Variants in GRIK2 observed in about 807,000 individuals in gnomAD.
GRIK2 encodes glutamate receptor ionotropic, kainate 2.
In GRIK2, 32 loss-of-function variants were observed where a neutral mutation model predicts 100.3. The observed-to-expected ratio is 0.32, with a 90% confidence interval of 0.24 to 0.43. The LOEUF is 0.43. Ranked by LOEUF, GRIK2 falls within the 20% of genes least tolerant of loss-of-function variation. GRIK2 has a pLI of 1.00. For missense variants in GRIK2, 843 were observed against 1,114.9 expected (o/e 0.76, Z 3.47); for synonymous variants, 417 against 389.4 (o/e 1.07, Z -0.83).
At chr6:101,735,768 A>G (rs1414797216) in intron 7 of GRIK2, among the ~76,000 whole-genome samples, 2 of 152,152 alleles carry the variant, frequency 1.3e-5, no homozygotes, top group African/African-American at 4.8e-5. Flanking sequence ...GGCCCCTCCT[A>G]AATCTCATGC....
intron 11 of GRIK2, among the ~76,000 whole-genome samples, chr6:101,875,561 ATTAT>A (rs1785766717): frequency 1.3e-5 from 2 of 151,826 alleles, no homozygotes; most frequent in South Asian, 4.1e-4. Context: ...TAACACAGTA[ATTAT>A]TTATTTCTGA....
chr6:101,700,949 G>T (rs771441488), intron 7 of GRIK2, among the ~76,000 whole-genome samples: 3 of 152,108 alleles, frequency 2.0e-5, no homozygotes, highest in Non-Finnish European at 4.4e-5. Context: ...TTGCAGCTTA[G>T]GTGACTAGGA....
chr6:101,399,997 C>T (rs1775203029), intron 2 of GRIK2, among the ~76,000 whole-genome samples: 1 of 152,226 alleles, frequency 6.6e-6, no homozygotes, highest in African/African-American at 2.4e-5. Context: ...CGAGGTTCTA[C>T]TTAACACAGG....
At chr6:101,527,716 T>G (rs1775222944) in intron 2 of GRIK2, among the ~76,000 whole-genome samples, 1 of 152,148 alleles carries the variant, frequency 6.6e-6, no homozygotes, top group African/African-American at 2.4e-5. Flanking sequence ...TCTTAAGAGC[T>G]TGTTCAAGGG....
chr6:101,445,251 A>T (rs1316844050), intron 2 of GRIK2, among the ~76,000 whole-genome samples: 1 of 152,096 alleles, frequency 6.6e-6, no homozygotes, highest in African/African-American at 2.4e-5. Flanking sequence ...CTGCTCTCTC[A>T]TGGTTTCCAC....
At chr6:101,591,050 C>T (rs1049563064) in intron 2 of GRIK2, among the ~76,000 whole-genome samples, 19 of 151,768 alleles carry the variant, frequency 1.3e-4, no homozygotes, top group South Asian at 2.1e-4. Context: ...AAAATAATAG[C>T]GAAGGACTTT....
chr6:101,615,292 A>G (rs1236966100), intron 2 of GRIK2, among the ~76,000 whole-genome samples: 1 of 151,786 alleles, frequency 6.6e-6, no homozygotes, highest in African/African-American at 2.4e-5. Context: ...AAATAAAACA[A>G]TGATAAAGCT....
At chr6:102,006,390 A>ATATATATATATATTTTTT (rs1315524835) in intron 14 of GRIK2, among the ~76,000 whole-genome samples, 2 of 114,104 alleles carry the variant, frequency 1.8e-5, no homozygotes, top group African/African-American at 4.6e-5. Flanking sequence ...ATATATATAT[A>ATATATATATATATTTTTT]TTTTTTTTTT....
chr6:101,608,989 AT>A (rs1779560440), intron 2 of GRIK2, among the ~76,000 whole-genome samples: 1 of 151,598 alleles, frequency 6.6e-6, no homozygotes, highest in Non-Finnish European at 1.5e-5. Flanking sequence ...ACACCACTGT[AT>A]TTTTTTCTGG....
chr6:101,920,055 G>C (rs1054926020), intron 12 of GRIK2, among the ~76,000 whole-genome samples: 1 of 151,774 alleles, frequency 6.6e-6, no homozygotes, highest in Non-Finnish European at 1.5e-5. Context: ...AACTGTATTG[G>C]GATGTATTCA....
chr6:101,607,759 A>G (rs910954557), intron 2 of GRIK2, among the ~76,000 whole-genome samples: 8 of 151,988 alleles, frequency 5.3e-5, no homozygotes, highest in Non-Finnish European at 1.2e-4. Flanking sequence ...GGCTCTTGAT[A>G]AATTTTGGAT....
Position 102,003,959 on chromosome 6 carries a change from A to G in GRIK2, c.2086-31382A>G, listed in dbSNP as rs150766473. On this transcript the variant is annotated intron_variant, in intron 14 of 16. Coordinates refer to ENST00000369134, the MANE Select transcript of GRIK2 (RefSeq NM_021956.5). ...TATTAAAGTTTTATTTTTGTTAACT[A>G]TATTTTCTTTTTTCTCTCTTATTAA... 5.3e-5 allele frequency among the ~76,000 whole-genome samples: 8 copies of G among 151,678 alleles called. No homozygotes were observed. In the South Asian group the frequency reaches 1.2e-3, roughly 24 times the overall value.
chr6:101,477,325 G>A (rs1466825141), intron 2 of GRIK2, among the ~76,000 whole-genome samples: 1 of 152,158 alleles, frequency 6.6e-6, no homozygotes, highest in Non-Finnish European at 1.5e-5. Context: ...AGAGCAGCAA[G>A]ACATCATCAG....
At chr6:101,421,793 T>A (rs1280912736) in intron 2 of GRIK2, among the ~76,000 whole-genome samples, 2 of 152,132 alleles carry the variant, frequency 1.3e-5, no homozygotes, top group Non-Finnish European at 2.9e-5. Flanking sequence ...TGTTGTATGA[T>A]CTCTTAGAGA....
chr6:101,452,526 A>G (rs1770771014), intron 2 of GRIK2, among the ~76,000 whole-genome samples: 2 of 151,752 alleles, frequency 1.3e-5, no homozygotes, highest in African/African-American at 4.8e-5. Context: ...ATACCAAATA[A>G]GGCACTGCTT....
chr6:101,860,487 G>A (rs1276385737), intron 11 of GRIK2, among the ~76,000 whole-genome samples: 1 of 152,188 alleles, frequency 6.6e-6, no homozygotes, highest in African/African-American at 2.4e-5. Context: ...TACAAAAATG[G>A]TGGCATTAGC....
chr6:101,567,258 CTA>C (rs1187046429), intron 2 of GRIK2, among the ~76,000 whole-genome samples: 1 of 151,748 alleles, frequency 6.6e-6, no homozygotes, highest in African/African-American at 2.4e-5. Context: ...CACATTCTTT[CTA>C]TCTTATTTCA....
At chr6:101,613,671 A>G (rs916047387) in intron 2 of GRIK2, among the ~76,000 whole-genome samples, 3 of 151,424 alleles carry the variant, frequency 2.0e-5, no homozygotes, top group African/African-American at 4.8e-5. Context: ...TAATACATTA[A>G]CTTATGGAGC....
At chr6:102,067,882 G>C (rs1440936553) in intron 16 of GRIK2, among the ~76,000 whole-genome samples, 1 of 151,744 alleles carries the variant, frequency 6.6e-6, no homozygotes, top group East Asian at 1.9e-4. Flanking sequence ...TTTGTTTTGA[G>C]ATGTACAATG....
Sources: gnomAD v4.1 joint callset for allele counts (sites outside exome capture counted in the v4.1 genomes callset) on GRCh38, gnomAD v4.1.1 for gene constraint, MANE v1.5 for transcripts, NCBI Gene and HGNC (gene_info 2026-07-23, HGNC 2026-07-21) for gene names.